MNAT1: variants seen among roughly 807,000 people sequenced by gnomAD.
MNAT1 encodes MNAT1 component of CDK activating kinase, also known as CDK-activating kinase assembly factor MAT1.
In MNAT1, 43 loss-of-function variants were observed where a neutral mutation model predicts 42.0. The observed-to-expected ratio is 1.02, with a 90% CI of 0.80 to 1.32. MNAT1 has a LOEUF of 1.32. Among genes scored for constraint, MNAT1 ranks in the 40% most tolerant of loss-of-function variants. MNAT1 has a pLI of 0.00. For synonymous variants in MNAT1, 118 were observed against 120.0 expected (o/e 0.98, Z 0.11); for missense variants, 306 against 350.4 (o/e 0.87, Z 1.01).
intron 3 of MNAT1, among the ~76,000 whole-genome samples, chr14:60,801,105 A>G (rs1266042841): frequency 6.6e-6 from 1 of 152,188 alleles, no homozygotes; most frequent in East Asian, 1.9e-4. Flanking sequence ...TTCAGAGAAG[A>G]GATGACATGT....
chr14:60,798,927 A>G (rs1242306939), intron 3 of MNAT1, among the ~76,000 whole-genome samples: 1 of 152,282 alleles, frequency 6.6e-6, no homozygotes, highest in East Asian at 1.9e-4. Flanking sequence ...CAAACTTAAT[A>G]GGTAACTGTA....
intron 1 of MNAT1, among the ~76,000 whole-genome samples, chr14:60,742,629 C>T (rs1484457417): frequency 6.6e-6 from 1 of 152,198 alleles, no homozygotes; most frequent in East Asian, 1.9e-4. Flanking sequence ...AGATACCTCT[C>T]ACCACTTAGC....
chr14:60,740,890 A>G lies in MNAT1; in HGVS notation c.89+5939A>G, dbSNP rs1896441554. Reference sequence around the variant, plus strand: ...AAACGTGGTACATATTACCATACCCATCTTGGTTGATAGCATTACCAGATC... The same window carrying G: ...AAACGTGGTACATATTACCATACCCGTCTTGGTTGATAGCATTACCAGATC... On this transcript the variant is annotated intron_variant, in intron 1 of 7. Coordinates refer to ENST00000261245, the MANE Select transcript of MNAT1 (RefSeq NM_002431.4). This position sits in a 1 kb window ranked among gnomAD's most constrained non-coding sequence, Gnocchi z 4.1. Among the ~76,000 whole-genome samples, 1 of 152,156 alleles carries G rather than the reference A, an allele frequency of 6.6e-6. No homozygotes were observed. Among genetic ancestry groups the G allele is most frequent in the Admixed American group, 6.5e-5 (1 of 15,274 alleles).
At chr14:60,968,178 C>T (rs113540467) in intron 7 of MNAT1, 51 bp from the exon 8 acceptor site, 1 of 1,344,706 alleles carries the variant, frequency 7.4e-7, no homozygotes, top group Non-Finnish European at 1.0e-6. Context: ...AAAATGTTAC[C>T]TATTTATATT....
intron 6 of MNAT1, among the ~76,000 whole-genome samples, chr14:60,840,966 A>T (rs2033533517): frequency 6.6e-6 from 1 of 152,164 alleles, no homozygotes; most frequent in Admixed American, 6.5e-5. Context: ...CACTTGGCCC[A>T]GATTTTTAAA....
At chr14:60,794,085 A>G (rs1167393825) in intron 1 of MNAT1, among the ~76,000 whole-genome samples, 2 of 152,310 alleles carry the variant, frequency 1.3e-5, no homozygotes, top group Non-Finnish European at 2.9e-5. Context: ...GATTGAGTCT[A>G]ATCTCCAAGA....
intron 7 of MNAT1, among the ~76,000 whole-genome samples, chr14:60,915,634 C>T (rs576019356): frequency 6.6e-6 from 1 of 152,280 alleles, no homozygotes; most frequent in South Asian, 2.1e-4. Context: ...GTGTTACTTC[C>T]TGGTAGTTTT....
chr14:60,934,568 C>T (rs1188798176), intron 7 of MNAT1, among the ~76,000 whole-genome samples: 3 of 152,142 alleles, frequency 2.0e-5, no homozygotes, highest in Non-Finnish European at 4.4e-5. Context: ...AGTTTTCCTG[C>T]ACAAGCTGTC....
rs377206584 is a variant in MNAT1, at chr14:60,790,856, A to G, written c.90-5361A>G. 1.6e-3 allele frequency among the ~76,000 whole-genome samples: 238 copies of G among 152,248 alleles called. 6 individuals are homozygous for G. The highest frequency in any genetic ancestry group is 0.01 in the Middle Eastern group (3 of 294). On this transcript the variant is annotated intron_variant, in intron 1 of 7. Coordinates refer to ENST00000261245, the MANE Select transcript of MNAT1 (RefSeq NM_002431.4). The stretch of plus-strand genomic sequence containing the variant: ...CATCATATCGCAAAAGCCCTAATTA[A>G]TGTTATTTTCTTTCTATGTTCCTTC...
intron 1 of MNAT1, among the ~76,000 whole-genome samples, chr14:60,746,221 T>C (rs1896611168): frequency 6.6e-6 from 1 of 152,022 alleles, no homozygotes; most frequent in South Asian, 2.1e-4. Context: ...TAATAGTTAA[T>C]TAGAAAATTA....
At chr14:60,749,899 A>G (rs1332879361) in intron 1 of MNAT1, among the ~76,000 whole-genome samples, 2 of 152,226 alleles carry the variant, frequency 1.3e-5, no homozygotes, top group African/African-American at 4.8e-5. Flanking sequence ...ACAGTAATTT[A>G]CTAGTTGTTG....
At chr14:60,931,083 G>T (rs1362050731) in intron 7 of MNAT1, among the ~76,000 whole-genome samples, 1 of 152,158 alleles carries the variant, frequency 6.6e-6, no homozygotes, top group Non-Finnish European at 1.5e-5. Context: ...TAAGAGAGTT[G>T]TAAGCAGTGA....
intron 7 of MNAT1, among the ~76,000 whole-genome samples, chr14:60,937,420 G>C (rs1048605823): frequency 1.3e-5 from 2 of 152,168 alleles, no homozygotes; most frequent in Admixed American, 6.6e-5. Context: ...GTAAGGAAGG[G>C]ATCCAGTTTC....
chr14:60,749,178 C>T (rs2029963204), intron 1 of MNAT1, among the ~76,000 whole-genome samples: 1 of 152,134 alleles, frequency 6.6e-6, no homozygotes, highest in Admixed American at 6.5e-5. Flanking sequence ...CTGCAGGTAT[C>T]AGAAAGTTTC....
At chr14:60,921,891 A>G (rs2035668840) in intron 7 of MNAT1, among the ~76,000 whole-genome samples, 1 of 152,180 alleles carries the variant, frequency 6.6e-6, no homozygotes, top group Non-Finnish European at 1.5e-5. Flanking sequence ...ACAACTCAAT[A>G]TAGTTTTACA....
chr14:60,746,704 T>G lies in MNAT1; in HGVS notation c.89+11753T>G, dbSNP rs80346940. 6.7e-3 allele frequency among the ~76,000 whole-genome samples: 1,008 copies of G among 150,790 alleles called. 72 individuals are homozygous for G. The East Asian group carries it at 0.17, about 25-fold the overall frequency. On this transcript the variant is annotated intron_variant, in intron 1 of 7. Coordinates refer to ENST00000261245, the MANE Select transcript of MNAT1 (RefSeq NM_002431.4). ...TATGGCTCTAACATATATTTTTTGCTTGATCAAAAATGACTATTAGTGTAC... is the reference window on the plus strand; with the variant it reads ...TATGGCTCTAACATATATTTTTTGCGTGATCAAAAATGACTATTAGTGTAC...
intron 6 of MNAT1, among the ~76,000 whole-genome samples, chr14:60,843,572 G>A (rs375449023): frequency 9.9e-5 from 15 of 152,102 alleles, no homozygotes; most frequent in Admixed American, 5.2e-4. Context: ...GTCCGGCCTC[G>A]TTTGCCTTTT....
chr14:60,770,581 A>G (rs2031013023), intron 1 of MNAT1, among the ~76,000 whole-genome samples: 1 of 152,146 alleles, frequency 6.6e-6, no homozygotes, highest in Admixed American at 6.5e-5. Flanking sequence ...TTATTTTCAT[A>G]TATTCTGTTC....
At chr14:60,805,483 G>A (rs1363179260) in intron 3 of MNAT1, among the ~76,000 whole-genome samples, 4 of 152,066 alleles carry the variant, frequency 2.6e-5, no homozygotes, top group Non-Finnish European at 4.4e-5. Flanking sequence ...TTTGACAAAC[G>A]TATAATAATG....
Sources: allele counts gnomAD v4.1 joint callset (sites outside exome capture counted in the v4.1 genomes callset), GRCh38; gene constraint gnomAD v4.1.1; non-coding constraint Gnocchi (gnomAD v3.1); transcripts MANE v1.5; gene names NCBI Gene and HGNC (gene_info 2026-07-23, HGNC 2026-07-21).